The following HPSE2 variants were observed in gnomAD, a reference collection of about 807,000 sequenced individuals.
HPSE2 encodes the protein heparanase 2 (inactive).
Under a neutral mutation model 60.5 loss-of-function variants are expected in HPSE2, and 38 were observed. The observed-to-expected ratio is 0.63, with a 90% CI of 0.48 to 0.82. The LOEUF (loss-of-function observed/expected upper bound fraction) is 0.82, where lower values mean the gene tolerates loss of function less well. HPSE2 is among the 40% of genes least tolerant of loss of function. The pLI is 0.00. For missense variants in HPSE2, 713 were observed against 740.4 expected (o/e 0.96, Z 0.43); for synonymous variants, 295 against 293.2 (o/e 1.01, Z -0.06).
chr10:98,968,538 G>A (rs1955871499), intron 3 of HPSE2, among the ~76,000 whole-genome samples: 1 of 152,094 alleles, frequency 6.6e-6, no homozygotes, highest in African/African-American at 2.4e-5. Flanking sequence ...ATATGAAAAA[G>A]ACACATGCAC....
chr10:98,724,345 T>C (rs1445245273), intron 4 of HPSE2, among the ~76,000 whole-genome samples: 2 of 152,220 alleles, frequency 1.3e-5, no homozygotes, highest in Admixed American at 1.3e-4. Context: ...TGTTATAATT[T>C]CTGTTCTTTG....
rs554158729 is a variant in HPSE2 at position 98,658,619 on chromosome 10, A to G, written c.1005-16679T>C. Reference sequence around the variant, plus strand: ...AGAAATCTTTGCCTACCCTAAGGTCATAAGAGTATTTTATGCTTTCTTCCG... The same window carrying G: ...AGAAATCTTTGCCTACCCTAAGGTCGTAAGAGTATTTTATGCTTTCTTCCG... On this transcript the variant is annotated intron_variant, in intron 6 of 11. Transcript: ENST00000370552. Among the ~76,000 whole-genome samples the G allele has an allele frequency of 1.5e-4, 23 of 152,110 alleles. 1 individual carries two copies. In the South Asian group the frequency reaches 4.8e-3, roughly 32 times the overall value.
At chr10:98,929,286 A>T (rs1056134773) in intron 3 of HPSE2, among the ~76,000 whole-genome samples, 1 of 143,516 alleles carries the variant, frequency 7.0e-6, no homozygotes, top group Admixed American at 6.9e-5. Flanking sequence ...ATAATCTTCC[A>T]TTTTTCCACT....
intron 11 of HPSE2, among the ~76,000 whole-genome samples, chr10:98,480,730 CA>C (rs1425124098): frequency 6.6e-6 from 1 of 152,208 alleles, no homozygotes; most frequent in Non-Finnish European, 1.5e-5. Context: ...ATAATCCTAA[CA>C]AATGTTTTGT....
chr10:98,960,709 T>A (rs1955638588), intron 3 of HPSE2, among the ~76,000 whole-genome samples: 1 of 54,904 alleles, frequency 1.8e-5, no homozygotes, highest in Non-Finnish European at 3.6e-5. Context: ...TTCTTTTTTT[T>A]TTTTTTTTTT....
chr10:99,066,894 A>C (rs934100562), intron 3 of HPSE2, among the ~76,000 whole-genome samples: 13 of 152,110 alleles, frequency 8.5e-5, no homozygotes, highest in African/African-American at 3.1e-4. Flanking sequence ...CCAAAGTCTC[A>C]ACTGAGACAA....
chr10:99,143,106 A>T (rs942317450), intron 3 of HPSE2, among the ~76,000 whole-genome samples: 1 of 152,186 alleles, frequency 6.6e-6, no homozygotes, highest in African/African-American at 2.4e-5. Context: ...TTGGCCATAA[A>T]TCACTTTTAA....
At chr10:99,205,106 G>A (rs542184722) in intron 2 of HPSE2, among the ~76,000 whole-genome samples, 1 of 152,134 alleles carries the variant, frequency 6.6e-6, no homozygotes, top group Non-Finnish European at 1.5e-5. Context: ...AAGGTAGGAG[G>A]GAAGCAAGGG....
chr10:98,480,602 A>T (rs1941199173), intron 11 of HPSE2, among the ~76,000 whole-genome samples: 1 of 152,144 alleles, frequency 6.6e-6, no homozygotes, highest in African/African-American at 2.4e-5. Flanking sequence ...ATAGGTTTAG[A>T]GTCCTGCCTG....
At chr10:98,471,773 A>G (rs969969415) in intron 11 of HPSE2, among the ~76,000 whole-genome samples, 3 of 152,350 alleles carry the variant, frequency 2.0e-5, no homozygotes, top group African/African-American at 7.2e-5. Flanking sequence ...CAGCGCTGAT[A>G]GCCAACTCTG....
intron 3 of HPSE2, among the ~76,000 whole-genome samples, chr10:98,816,198 A>C (rs1951286101): frequency 6.6e-6 from 1 of 152,160 alleles, no homozygotes; most frequent in Non-Finnish European, 1.5e-5. Context: ...ATAATTTAAA[A>C]AAAGATTTAA....
rs1422447564 is a variant in HPSE2, at chr10:98,460,281, T to C, written c.1614-542A>G. 5.3e-5 allele frequency among the ~76,000 whole-genome samples: 8 copies of C among 152,322 alleles called. No homozygotes were observed. The East Asian group carries it at 1.5e-3, about 29-fold the overall frequency. On this transcript the variant is annotated intron_variant, in intron 11 of 11. Coordinates refer to ENST00000370552, the MANE Select transcript of HPSE2 (RefSeq NM_021828.5). ...TGACATTACCTTGCTTGTCTAAGGT[T>C]ATACGGAAGGGAGACAGAGACATAG...
intron 9 of HPSE2, among the ~76,000 whole-genome samples, chr10:98,494,326 A>G (rs900476691): frequency 1.3e-5 from 2 of 152,222 alleles, no homozygotes; most frequent in South Asian, 2.1e-4. Flanking sequence ...ATTTGTCCCA[A>G]TTGGCTAGCA....
At chr10:98,679,724 C>T (rs1177130952) in intron 6 of HPSE2, among the ~76,000 whole-genome samples, 1 of 152,144 alleles carries the variant, frequency 6.6e-6, no homozygotes, top group African/African-American at 2.4e-5. Flanking sequence ...GGGTCTTGCT[C>T]TGTTGCCCAG....
intron 9 of HPSE2, among the ~76,000 whole-genome samples, chr10:98,571,356 T>G (rs996542068): frequency 6.6e-6 from 1 of 152,024 alleles, no homozygotes; most frequent in Admixed American, 6.6e-5. Context: ...CTACTACTAC[T>G]AAAACAAAAT....
intron 2 of HPSE2, among the ~76,000 whole-genome samples, chr10:99,204,236 C>G (rs946797950): frequency 2.0e-5 from 3 of 152,016 alleles, no homozygotes; most frequent in African/African-American, 7.3e-5. Flanking sequence ...AACAACAGAC[C>G]CACCCCAGTA....
chr10:98,736,708 A>G (rs1949366608), intron 4 of HPSE2, among the ~76,000 whole-genome samples: 1 of 152,348 alleles, frequency 6.6e-6, no homozygotes, highest in African/African-American at 2.4e-5. Flanking sequence ...AGAGTTTAAT[A>G]GTTTAATAGT....
chr10:98,504,626 A>C (rs1942136138), intron 9 of HPSE2, among the ~76,000 whole-genome samples: 1 of 152,104 alleles, frequency 6.6e-6, no homozygotes, highest in East Asian at 1.9e-4. Flanking sequence ...CTCTACTAAA[A>C]ATACAAAAAC....
chr10:99,215,773 G>T (rs1326646438), intron 2 of HPSE2, among the ~76,000 whole-genome samples: 1 of 152,200 alleles, frequency 6.6e-6, no homozygotes, highest in Admixed American at 6.5e-5. Context: ...AACGGCCACG[G>T]AGTGAGAGTT....
Sources: allele counts gnomAD v4.1 joint callset (sites outside exome capture counted in the v4.1 genomes callset), GRCh38; gene constraint gnomAD v4.1.1; transcripts MANE v1.5; gene names NCBI Gene and HGNC (gene_info 2026-07-23, HGNC 2026-07-21).